The following ANKRD30BL variants were observed in gnomAD, a reference collection of about 807,000 sequenced individuals.
ANKRD30BL encodes putative ankyrin repeat domain-containing protein 30B-like.
A neutral mutation model predicts 18.4 loss-of-function variants in ANKRD30BL; 20 were observed. The ratio of observed to expected loss-of-function variants is 1.09; its 90% CI spans 0.77 to 1.58. The LOEUF (loss-of-function observed/expected upper bound fraction) is 1.58. Among genes scored for constraint, ANKRD30BL ranks in the 40% most tolerant of loss-of-function variants. ANKRD30BL has a pLI of 0.00. For synonymous variants in ANKRD30BL, 72 were observed against 100.9 expected (o/e 0.71, Z 1.72); for missense variants, 224 against 268.6 (o/e 0.83, Z 1.16).
intron 1 of ANKRD30BL, among the ~76,000 whole-genome samples, chr2:132,222,374 G>A (rs1679715932): frequency 6.6e-6 from 1 of 152,124 alleles, no homozygotes; most frequent in Non-Finnish European, 1.5e-5. Flanking sequence ...GATGACAATG[G>A]CGGTTTTGTG....
At chr2:132,242,678 T>C (rs572517323) in intron 1 of ANKRD30BL, among the ~76,000 whole-genome samples, 1 of 151,152 alleles carries the variant, frequency 6.6e-6, no homozygotes, top group East Asian at 1.9e-4. Context: ...GATATTTGGA[T>C]AGGTTTCTGG....
intron 1 of ANKRD30BL, among the ~76,000 whole-genome samples, chr2:132,223,507 C>A (rs1679757281): frequency 6.6e-6 from 1 of 152,002 alleles, no homozygotes; most frequent in Non-Finnish European, 1.5e-5. Context: ...TATTTGTATT[C>A]AACTCACAGA....
At chr2:132,197,547 A>G (rs1309041688) in intron 1 of ANKRD30BL, among the ~76,000 whole-genome samples, 1 of 151,582 alleles carries the variant, frequency 6.6e-6, no homozygotes, top group African/African-American at 2.4e-5. Context: ...TGAATGATTA[A>G]CTCATTTATC....
At chr2:132,229,900 T>C (rs776146791) in intron 1 of ANKRD30BL, among the ~76,000 whole-genome samples, 1 of 152,144 alleles carries the variant, frequency 6.6e-6, no homozygotes, top group Non-Finnish European at 1.5e-5. Context: ...AAACACTCTG[T>C]TCGCAGTATC....
At chr2:132,180,460 T>C (rs1558921816) in intron 1 of ANKRD30BL, among the ~76,000 whole-genome samples, 2 of 152,234 alleles carry the variant, frequency 1.3e-5, no homozygotes, top group Admixed American at 6.5e-5. Flanking sequence ...TTTCTCCAAA[T>C]TTATTCCATC....
intron 1 of ANKRD30BL, among the ~76,000 whole-genome samples, chr2:132,224,904 G>T (rs1277068891): frequency 1.3e-5 from 2 of 151,742 alleles, no homozygotes; most frequent in African/African-American, 4.8e-5. Context: ...CATAGAGCAG[G>T]TTTGAAACAC....
chr2:132,186,223 G>A (rs1274519706), intron 1 of ANKRD30BL, among the ~76,000 whole-genome samples: 1 of 151,618 alleles, frequency 6.6e-6, no homozygotes, highest in Non-Finnish European at 1.5e-5. Flanking sequence ...AACATAAAAG[G>A]TAAATTTTGA....
intron 1 of ANKRD30BL, among the ~76,000 whole-genome samples, chr2:132,229,117 T>C (rs959206424): frequency 6.6e-6 from 1 of 152,134 alleles, no homozygotes; most frequent in African/African-American, 2.4e-5. Context: ...TATCTTCATG[T>C]AAAAAGTACA....
At chr2:132,187,183 T>TG (rs1558924488) in intron 1 of ANKRD30BL, among the ~76,000 whole-genome samples, 4 of 138,250 alleles carry the variant, frequency 2.9e-5, no homozygotes, top group Non-Finnish European at 6.1e-5. Context: ...TTTTTTTTTT[T>TG]GTTTGTTTTT....
chr2:132,232,131 G>A (rs1424428056), intron 1 of ANKRD30BL, among the ~76,000 whole-genome samples: 1 of 152,186 alleles, frequency 6.6e-6, no homozygotes, highest in South Asian at 2.1e-4. Context: ...GGTCCTGTCT[G>A]TTAGAAGGAA....
chr2:132,153,159 C>T (rs565210227), intron 4 of ANKRD30BL, among the ~76,000 whole-genome samples: 8 of 152,226 alleles, frequency 5.3e-5, no homozygotes, highest in African/African-American at 9.6e-5. Context: ...CTGCCCCCAC[C>T]GCCAATCCTT....
intron 1 of ANKRD30BL, among the ~76,000 whole-genome samples, chr2:132,252,537 G>T (rs1468125821): frequency 6.6e-6 from 1 of 151,864 alleles, no homozygotes; most frequent in Non-Finnish European, 1.5e-5. Flanking sequence ...CCGGGCGGGT[G>T]GGGGGCAGGC....
intron 1 of ANKRD30BL, among the ~76,000 whole-genome samples, chr2:132,252,834 GC>G (rs1680694362): frequency 6.6e-6 from 1 of 152,154 alleles, no homozygotes; most frequent in Non-Finnish European, 1.5e-5. Context: ...GCATGAGGGA[GC>G]CCCCAAGGGA....
intron 1 of ANKRD30BL, among the ~76,000 whole-genome samples, chr2:132,181,212 G>A (rs1302733206): frequency 2.0e-5 from 3 of 152,046 alleles, no homozygotes; most frequent in Non-Finnish European, 2.9e-5. Flanking sequence ...GGTGGCTGAT[G>A]CCTGTAATCT....
Position 132,161,923 on chromosome 2 carries a change from G to A in ANKRD30BL, c.-218C>T. 3.6e-6 allele frequency: 2 copies of A among 554,222 alleles called. No homozygotes were observed. The highest frequency in any genetic ancestry group is 3.3e-6 in the Non-Finnish European group (1 of 307,492). The allele number at this position is 554,222 out of a possible 1,614,324, so 34.3% of individuals were successfully genotyped here. On this transcript the variant is annotated 5_prime_UTR_variant, in exon 1 of 6. Transcript: ENST00000409867. ...AGCAGAACCGTTAGGCACCTGAGCA[G>A]AACCTTTAGGCAGCTGAGCAGAACC...
chr2:132,232,683 T>C (rs1004533553), intron 1 of ANKRD30BL, among the ~76,000 whole-genome samples: 3 of 152,044 alleles, frequency 2.0e-5, no homozygotes, highest in Non-Finnish European at 2.9e-5. Flanking sequence ...TATGGGACTA[T>C]GTGAAAAGAC....
intron 1 of ANKRD30BL, among the ~76,000 whole-genome samples, chr2:132,215,853 A>C (rs1019007378): frequency 2.0e-5 from 3 of 152,122 alleles, no homozygotes; most frequent in Non-Finnish European, 2.9e-5. Flanking sequence ...CCTAAGGTGA[A>C]AAATGAAATA....
intron 1 of ANKRD30BL, among the ~76,000 whole-genome samples, chr2:132,171,944 AC>A (rs1420591846): frequency 6.6e-6 from 1 of 152,212 alleles, no homozygotes; most frequent in Admixed American, 6.5e-5. Flanking sequence ...TATTCTAAGT[AC>A]TTCAAGCAAT....
At chr2:132,165,147 C>T (rs765840407), upstream of ANKRD30BL, among the ~76,000 whole-genome samples, 2 of 152,110 alleles carry the variant, frequency 1.3e-5, no homozygotes, top group African/African-American at 4.8e-5. Flanking sequence ...ATACAGAATA[C>T]TTTGGTCCAA....
Sources: gnomAD v4.1 joint callset for allele counts (sites outside exome capture counted in the v4.1 genomes callset) on GRCh38, gnomAD v4.1.1 for gene constraint, MANE v1.5 for transcripts, NCBI Gene and HGNC (gene_info 2026-07-23, HGNC 2026-07-21) for gene names.